Variants in FTCD observed in about 807,000 individuals in gnomAD.
FTCD encodes formimidoyltransferase-cyclodeaminase.
Under a neutral mutation model 62.9 loss-of-function variants are expected in FTCD, and 76 were observed. That is an observed-to-expected ratio of 1.21 (90% CI 1.00 to 1.46). The LOEUF is 1.46. FTCD is among the 40% of genes most tolerant of loss of function. FTCD has a pLI of 0.00. For missense variants in FTCD, 845 were observed against 751.3 expected (o/e 1.12, Z -1.46); for synonymous variants, 397 against 336.9 (o/e 1.18, Z -1.95).
Position 46,138,634 on chromosome 21 carries a change from G to T in FTCD, c.1317C>A (p.Ala439=), listed in dbSNP as rs377363402. ...CTGCCCGCCTCAGACCCTCCTGTAG[G>T]GCCGCCGTGCGCCTGAAAGGAGCAA... ...TPEEKDRRTA[A]LQEGLRRAVS... The change falls in exon 12 of 14, where the codon GCC becomes GCA. Residue 439 remains alanine (A), a synonymous_variant. Transcript: ENST00000397746. 20 of 1,594,636 alleles carry T rather than the reference G, an allele frequency of 1.3e-5. No individual in the cohort carries two copies. The highest frequency in any genetic ancestry group is 1.7e-5 in the Non-Finnish European group (20 of 1,177,566).
Position 46,146,182 on chromosome 21 carries a change from C to T in FTCD, c.968+84G>A, listed in dbSNP as rs935850350. 6 of 1,006,482 alleles carry T rather than the reference C, an allele frequency of 6.0e-6. No individual in the cohort carries two copies. In the African/African-American group the frequency reaches 9.6e-5, roughly 16 times the overall value. The allele number at this position is 1,006,482 out of a possible 1,614,324, so 62.3% of individuals were successfully genotyped here. On this transcript the variant is annotated intron_variant, in intron 8 of 13. Coordinates refer to ENST00000397746, the MANE Select transcript of FTCD (RefSeq NM_206965.2). ...GCGCTGGGAGGACTCAGCCGGGTCT[C>T]CACGCAGGGACCCCAGCGCCCCGCA...
rs773170658 is a variant in FTCD at position 46,151,597 on chromosome 21, G to A, written c.597C>T (p.Ile199=). The A allele has an allele frequency of 4.7e-5, 76 of 1,612,998 alleles. 1 individual carries two copies. Among genetic ancestry groups the A allele is most frequent in the Middle Eastern group, 3.3e-4 (2 of 6,060 alleles). ...GGCCCTGCTCCCGCAGGTTGAGCGCGATGCGGTGGGCTTGCTCCTTTGTGC... is the reference window on the plus strand; with the variant it reads ...GGCCCTGCTCCCGCAGGTTGAGCGCAATGCGGTGGGCTTGCTCCTTTGTGC... ...LLGTKEQAHR[I]ALNLREQGRG... Residue 199 remains isoleucine, a synonymous_variant, in exon 5 of 14, where the codon ATC becomes ATT. Transcript: ENST00000397746.
chr21:46,151,693 A>G lies in FTCD; in HGVS notation c.501T>C (p.Phe167=), dbSNP rs2079280341. ...TGGCCGTGGCCCCCCAACTGGGGAC[A>G]AAGGAGCTGGGACCAAAGTCGGGCG... The part of the protein sequence containing the change: ...DWAPDFGPSS[F]VPSWGATATG... The change falls in exon 5 of 14, where the codon TTT becomes TTC. Residue 167 remains phenylalanine, a synonymous_variant. Coordinates refer to ENST00000397746, the MANE Select transcript of FTCD (RefSeq NM_206965.2). 3 of 1,613,004 alleles carry G rather than the reference A, an allele frequency of 1.9e-6. No individual in the cohort carries two copies. The highest frequency in any genetic ancestry group is 2.5e-6 in the Non-Finnish European group (3 of 1,179,972).
rs547896562 is a variant in FTCD, at chr21:46,153,571, G to A, written c.239-536C>T. 4.4e-4 allele frequency among the ~76,000 whole-genome samples: 67 copies of A among 152,292 alleles called. 1 individual carries two copies. The East Asian group carries it at 8.1e-3, about 18-fold the overall frequency. ...TGGGTCGGCGCCCACCCCAGGGGAC[G>A]CCAGCCTCCCCCGCCTTTGCCGCCA... is the stretch of plus-strand genomic sequence containing the variant. On this transcript the variant is annotated intron_variant, in intron 2 of 13. Transcript: ENST00000397746.
intron 9 of FTCD, 108 bp from the exon 10 acceptor site, chr21:46,145,686 G>T: frequency 2.1e-6 from 1 of 467,738 alleles, no homozygotes; most frequent in Non-Finnish European, 2.7e-6. Context: ...CACCCGTGTG[G>T]CCCCCACGTC....
At chr21:46,139,499 C>T (rs532053355) in intron 10 of FTCD, among the ~76,000 whole-genome samples, 56 of 152,326 alleles carry the variant, frequency 3.7e-4, no homozygotes, top group African/African-American at 1.3e-3. Context: ...TCCAAGGACC[C>T]ACTGGGAGCC....
chr21:46,155,526 C>A lies in FTCD; in HGVS notation c.-3G>T. ...ACGCATTCCACCAGCTGGGACATGG[C>A]CAGCACCTTGATCCAGATGCTCCTC... is the stretch of plus-strand genomic sequence containing the variant. On this transcript the variant is annotated 5_prime_UTR_variant, in exon 1 of 14. Coordinates refer to ENST00000397746, the MANE Select transcript of FTCD (RefSeq NM_206965.2). 1 of 1,612,528 alleles carries A rather than the reference C, an allele frequency of 6.2e-7. No homozygotes were observed. The highest frequency in any genetic ancestry group is 8.5e-7 in the Non-Finnish European group (1 of 1,179,586).
At chr21:46,136,582 A>G, downstream of FTCD, 1 of 1,556,738 alleles carries the variant, frequency 6.4e-7, no homozygotes, top group African/African-American at 1.4e-5. Flanking sequence ...GGTCCTCTGA[A>G]TACCTGTGAC....
chr21:46,150,113 G>T lies in FTCD; in HGVS notation c.906+6C>A. On this transcript the variant is annotated splice_donor_region_variant and intron_variant, in intron 7 of 13. Transcript: ENST00000397746. ...TGTCCGACCCTTCCTCGGCAGCCCGGCCCACCAGCCTGATCCGCTGCTCCT... is the reference window on the plus strand; with the variant it reads ...TGTCCGACCCTTCCTCGGCAGCCCGTCCCACCAGCCTGATCCGCTGCTCCT... 1 of 1,608,962 alleles carries T rather than the reference G, an allele frequency of 6.2e-7. No individual in the cohort carries two copies. The highest frequency in any genetic ancestry group is 1.1e-5 in the South Asian group (1 of 90,518).
intron 10 of FTCD, among the ~76,000 whole-genome samples, chr21:46,140,426 C>T (rs557173235): frequency 1.4e-5 from 2 of 147,182 alleles, no homozygotes; most frequent in Non-Finnish European, 3.0e-5. Context: ...TCCACCTTCG[C>T]GTGGCTCACA....
chr21:46,152,861 C>G (rs1347834012), intron 3 of FTCD, 46 bp downstream of exon 3: 3 of 1,505,562 alleles, frequency 2.0e-6, no homozygotes, highest in Admixed American at 1.9e-5. Flanking sequence ...ATAACCCACA[C>G]CAATGAGACG....
At chr21:46,146,378 G>A in intron 7 of FTCD, 51 bp from the exon 8 acceptor site, 2 of 1,255,934 alleles carry the variant, frequency 1.6e-6, no homozygotes, top group Non-Finnish European at 2.3e-6. Flanking sequence ...TCCACCACCA[G>A]GAAAGCCTCG....
Position 46,138,657 on chromosome 21 carries a change from C to A in FTCD, c.1305-11G>T, listed in dbSNP as rs761525982. ...AGGGCCGCCGTGCGCCTGAAAGGAGCAAGAGGAGAGCCTGAGCACAGCGGC... is the reference window on the plus strand; with the variant it reads ...AGGGCCGCCGTGCGCCTGAAAGGAGAAAGAGGAGAGCCTGAGCACAGCGGC... On this transcript the variant is annotated splice_polypyrimidine_tract_variant and intron_variant, in intron 11 of 13. Transcript: ENST00000397746. The A allele has an allele frequency of 1.3e-6, 2 of 1,596,086 alleles. No individual in the cohort carries two copies. Among genetic ancestry groups the A allele is most frequent in the Admixed American group, 3.4e-5 (2 of 59,492 alleles).
chr21:46,142,912 G>A (rs761273961), intron 10 of FTCD, among the ~76,000 whole-genome samples: 2 of 152,182 alleles, frequency 1.3e-5, no homozygotes, highest in African/African-American at 2.4e-5. Flanking sequence ...ACTTTAGCTA[G>A]ACAGAGAAGT....
rs950620982 is a variant in FTCD, at chr21:46,146,318, G to A, written c.916C>T (p.Arg306Trp). 8.7e-6 allele frequency: 14 copies of A among 1,601,412 alleles called. No homozygotes were observed. Among genetic ancestry groups the A allele is most frequent in the East Asian group, 2.2e-5 (1 of 44,450 alleles). The change falls in exon 8 of 14, where the codon CGG (arginine) becomes TGG (tryptophan). Residue 306 changes from arginine to tryptophan, a missense_variant. By Grantham distance (101) the Arg-to-Trp change is moderately radical. Transcript: ENST00000397746. The part of the protein sequence containing the change: ...EEQRIRLVVS[R>W]LGLDSLCPFS... ...GGGCACAGGGAGTCCAGGCCCAGCC[G>A]GCTCACCACCTGGAAAAGGGGCTTG...
At chr21:46,155,400 A>G (rs2079404330) in intron 1 of FTCD, 70 bp downstream of exon 1, 1 of 1,313,226 alleles carries the variant, frequency 7.6e-7, no homozygotes, top group African/African-American at 1.4e-5. Flanking sequence ...CACCTCCTCC[A>G]TGGCCTGGGC....
In FTCD at chr21:46,138,856, G is replaced by C. The variant is rs201255699; in HGVS notation, c.1304+24C>G. 5.0e-6 allele frequency: 8 copies of C among 1,599,636 alleles called. No homozygotes were observed. In the East Asian group the frequency reaches 1.8e-4, roughly 36 times the overall value. On this transcript the variant is annotated intron_variant, in intron 11 of 13. Coordinates refer to ENST00000397746, the MANE Select transcript of FTCD (RefSeq NM_206965.2). The stretch of plus-strand genomic sequence containing the variant: ...AACTCCCCAGACACAGAGGCCCACG[G>C]TGCGGCCGGCCCTCCAGGCTCACCT...
chr21:46,136,973 G>A lies in FTCD; in HGVS notation c.*14C>T. ...AGGGAGGGGCCACAGAGCCCGGAGA[G>A]GCCTCCCGCACCGTCACTCCTGCCG... On this transcript the variant is annotated 3_prime_UTR_variant, in exon 14 of 14. Coordinates refer to ENST00000397746, the MANE Select transcript of FTCD (RefSeq NM_206965.2). The A allele has an allele frequency of 3.7e-6, 6 of 1,613,064 alleles. No homozygotes were observed. The highest frequency in any genetic ancestry group is 5.1e-6 in the Non-Finnish European group (6 of 1,179,976).
At chr21:46,145,226 G>A (rs2079111769) in intron 10 of FTCD, among the ~76,000 whole-genome samples, 191 bp downstream of exon 10, 1 of 152,196 alleles carries the variant, frequency 6.6e-6, no homozygotes, top group Non-Finnish European at 1.5e-5. Context: ...ACCCTGCTGG[G>A]CCCAAGCACT....
Sources: gnomAD v4.1 joint callset for allele counts (sites outside exome capture counted in the v4.1 genomes callset) on GRCh38, gnomAD v4.1.1 for gene constraint, MANE v1.5 for transcripts, NCBI Gene and HGNC (gene_info 2026-07-23, HGNC 2026-07-21) for gene names.